The following FBN3 variants were observed in gnomAD, a reference collection of about 807,000 sequenced individuals.
FBN3 encodes fibrillin 3, also known as fibrillin-3.
A neutral mutation model predicts 330.1 loss-of-function variants in FBN3; 234 were observed. The observed-to-expected ratio is 0.71, with a 90% CI of 0.64 to 0.79. The LOEUF is 0.79. FBN3 is among the 30% of genes least tolerant of loss of function. FBN3 has a pLI of 0.00. For missense variants in FBN3, 3,606 were observed against 3,886.9 expected (o/e 0.93, Z 1.92); for synonymous variants, 1,458 against 1,517.3 (o/e 0.96, Z 0.91).
At chr19:8,134,032 C>A (rs2083217719) in intron 13 of FBN3, among the ~76,000 whole-genome samples, 1 of 149,650 alleles carries the variant, frequency 6.7e-6, no homozygotes, top group African/African-American at 2.5e-5. Context: ...CGAGACCATC[C>A]TGGCTAACAT....
intron 57 of FBN3, 59 bp downstream of exon 57, chr19:8,083,188 G>A: frequency 6.2e-7 from 1 of 1,601,354 alleles, no homozygotes; most frequent in Non-Finnish European, 8.5e-7. Context: ...TGAGTTCAGG[G>A]GCTGCACAGA....
intron 18 of FBN3, among the ~76,000 whole-genome samples, chr19:8,128,013 T>TA (rs1208084075): frequency 1.3e-5 from 2 of 149,812 alleles, no homozygotes; most frequent in African/African-American, 2.5e-5. Flanking sequence ...AAAGATAAAA[T>TA]AAAAAAAATA....
At chr19:8,090,372 AG>A in intron 48 of FBN3, 121 bp from the exon 49 acceptor site, 2 of 1,086,282 alleles carry the variant, frequency 1.8e-6, no homozygotes, top group Non-Finnish European at 2.7e-6. Flanking sequence ...GTGGCCAATC[AG>A]AACATGCCAT....
rs1315093451 is a variant in FBN3, at chr19:8,066,168, C to T, written c.8181G>A (p.Arg2727=). Reference sequence around the variant, plus strand: ...GGCCCTCTAGACCCTCCAGGGCCGGCCGGAGCTCCAGGATGCGCTCGGCCC... The same window carrying T: ...GGCCCTCTAGACCCTCCAGGGCCGGTCGGAGCTCCAGGATGCGCTCGGCCC... ...LGRAERILEL[R]PALEGLEGRI... is the part of the protein sequence containing the mutation. Residue 2727 remains arginine, a synonymous_variant, in exon 64 of 64, where the codon CGG becomes CGA. Coordinates refer to ENST00000600128, the MANE Select transcript of FBN3 (RefSeq NM_032447.5). 6.2e-7 allele frequency: 1 copy of T among 1,612,864 alleles called. No individual in the cohort carries two copies. Among genetic ancestry groups the T allele is most frequent in the Non-Finnish European group, 8.5e-7 (1 of 1,179,630 alleles).
intron 59 of FBN3, among the ~76,000 whole-genome samples, chr19:8,075,835 G>A (rs1301108762): frequency 3.3e-5 from 5 of 152,176 alleles, no homozygotes; most frequent in Non-Finnish European, 7.3e-5. Context: ...ATGGAAAAAT[G>A]ACATAGGGTT....
intron 56 of FBN3, among the ~76,000 whole-genome samples, chr19:8,085,161 C>A (rs941318918): frequency 6.6e-6 from 1 of 152,124 alleles, no homozygotes; most frequent in East Asian, 1.9e-4. Context: ...CCCTCAACCC[C>A]CCGAGTTCTT....
rs1408319856 is a variant in FBN3, at chr19:8,109,417, G to A, written c.4457-29C>T. ...AACAGGCAGAAGGGGATGGTTAGTAGGTGTCAGAGGGAAAGCTGTATGTGT... is the reference window on the plus strand; with the variant it reads ...AACAGGCAGAAGGGGATGGTTAGTAAGTGTCAGAGGGAAAGCTGTATGTGT... On this transcript the variant is annotated intron_variant, in intron 35 of 63. Transcript: ENST00000600128. This position sits in a 1 kb window ranked among gnomAD's most constrained non-coding sequence, Gnocchi z 5.2. 1.2e-6 allele frequency: 2 copies of A among 1,613,412 alleles called. No individual in the cohort carries two copies.
At position 8,138,399 on chromosome 19, in the gene FBN3, A is replaced by C. The variant is rs1415200968; in HGVS notation, c.1018+13T>G. The C allele has an allele frequency of 6.2e-7, 1 of 1,610,442 alleles. No individual in the cohort carries two copies. Among genetic ancestry groups the C allele is most frequent in the Non-Finnish European group, 8.5e-7 (1 of 1,177,782 alleles). The stretch of plus-strand genomic sequence containing the variant: ...CCTCACCCACAGCCCTGCAGGCTGC[A>C]GCTCTTACTCACTGGAGCCCCGAGG... On this transcript the variant is annotated intron_variant, in intron 9 of 63. Coordinates refer to ENST00000600128, the MANE Select transcript of FBN3 (RefSeq NM_032447.5).
At chr19:8,142,878 T>G (rs1407421307) in intron 6 of FBN3, among the ~76,000 whole-genome samples, 1 of 91,590 alleles carries the variant, frequency 1.1e-5, no homozygotes, top group African/African-American at 4.8e-5. Flanking sequence ...CCCCTCACTC[T>G]TCTGCCACCC....
intron 59 of FBN3, among the ~76,000 whole-genome samples, chr19:8,078,104 A>T (rs1323581586): frequency 6.6e-6 from 1 of 152,086 alleles, no homozygotes; most frequent in Non-Finnish European, 1.5e-5. Context: ...AATGTCTGCC[A>T]CCACCCACAA....
chr19:8,115,245 G>A (rs1329351707), intron 30 of FBN3, among the ~76,000 whole-genome samples: 2 of 152,204 alleles, frequency 1.3e-5, no homozygotes, highest in Non-Finnish European at 2.9e-5. Context: ...ATGTTTAAGT[G>A]TTCATCCCTG....
chr19:8,101,067 C>T (rs1250790406), intron 40 of FBN3, 95 bp from the exon 41 acceptor site: 2 of 928,792 alleles, frequency 2.2e-6, no homozygotes, highest in East Asian at 2.8e-5. Flanking sequence ...GGAGCCCAGC[C>T]CTCACCTGGC....
intron 25 of FBN3, among the ~76,000 whole-genome samples, chr19:8,120,313 G>A (rs935220582): frequency 2.7e-5 from 4 of 150,484 alleles, no homozygotes; most frequent in Admixed American, 6.6e-5. Context: ...GGACCTACAG[G>A]TGCACGCCAC....
At chr19:8,144,725 G>T in intron 6 of FBN3, 152 bp downstream of exon 6, 2 of 594,912 alleles carry the variant, frequency 3.4e-6, no homozygotes, top group Non-Finnish European at 6.0e-6. Context: ...GAACAGATGA[G>T]CAAATGAAAG....
At chr19:8,124,355 G>A (rs113711998) in intron 22 of FBN3, among the ~76,000 whole-genome samples, 4 of 143,782 alleles carry the variant, frequency 2.8e-5, no homozygotes, top group African/African-American at 7.8e-5. Flanking sequence ...GCAATTCTCC[G>A]GCCTCAGCCT....
At chr19:8,102,060 C>T (rs1486690452) in intron 40 of FBN3, among the ~76,000 whole-genome samples, 3 of 152,110 alleles carry the variant, frequency 2.0e-5, no homozygotes, top group African/African-American at 7.2e-5. Context: ...CTCGTGAGAT[C>T]TGACAGTTTT....
intron 40 of FBN3, among the ~76,000 whole-genome samples, chr19:8,101,448 G>A (rs1599342661): frequency 6.6e-6 from 1 of 152,120 alleles, no homozygotes; most frequent in East Asian, 1.9e-4. Context: ...ACTCATTCCT[G>A]CTGTCAACAC....
intron 13 of FBN3, among the ~76,000 whole-genome samples, chr19:8,133,802 A>G (rs1458150330): frequency 2.0e-5 from 3 of 152,120 alleles, no homozygotes; most frequent in Admixed American, 6.6e-5. Flanking sequence ...TCTTACTTCA[A>G]TTTCATAAAA....
intron 47 of FBN3, among the ~76,000 whole-genome samples, chr19:8,093,758 CAAAACAAACAA>C (rs1371127760): frequency 1.3e-5 from 2 of 151,476 alleles, no homozygotes; most frequent in East Asian, 2.0e-4. Context: ...CCTCTCAAAA[CAAAACAAACAA>C]AAAACAAACA....
Sources: allele counts gnomAD v4.1 joint callset (sites outside exome capture counted in the v4.1 genomes callset), GRCh38; gene constraint gnomAD v4.1.1; non-coding constraint Gnocchi (gnomAD v3.1); transcripts MANE v1.5; gene names NCBI Gene and HGNC (gene_info 2026-07-23, HGNC 2026-07-21).